The following TRMT44 variants were observed in gnomAD, a reference collection of about 807,000 sequenced individuals.
The protein encoded by TRMT44 is probable tRNA (uracil-O(2)-)-methyltransferase.
In TRMT44, 78 loss-of-function variants were observed where a neutral mutation model predicts 77.3. The ratio of observed to expected loss-of-function variants is 1.01; its 90% confidence interval spans 0.84 to 1.22. The LOEUF is 1.22. Among genes scored for constraint, TRMT44 ranks in the 50% most tolerant of loss-of-function variants. The probability of loss-of-function intolerance (pLI) is 0.00; values close to 1 mark genes in which losing one functional copy is unlikely to be tolerated. For missense variants in TRMT44, 1,090 were observed against 964.4 expected (o/e 1.13, Z -1.73); for synonymous variants, 391 against 383.3 (o/e 1.02, Z -0.23).
intron 2 of TRMT44, among the ~76,000 whole-genome samples, chr4:8,490,309 G>T (rs1000923510): frequency 6.6e-6 from 1 of 152,236 alleles, no homozygotes; most frequent in African/African-American, 2.4e-5. Context: ...GACCCTCGCG[G>T]TGAGTGTTAC....
rs766818694 is a variant in TRMT44 at position 8,465,607 on chromosome 4, G to C, written c.1494+46G>C. On this transcript the variant is annotated intron_variant, in intron 8 of 10. Transcript: ENST00000389737. ...GTTCTAGGCGGTGTGTCGGTGTTCA[G>C]ATGGAGAGCTCAGGGCTCTGCCACA... The C allele has an allele frequency of 1.9e-5, 29 of 1,536,296 alleles. No homozygotes were observed. In the South Asian group the frequency reaches 3.3e-4, roughly 17 times the overall value.
At chr4:8,473,844 C>T (rs899982297) in intron 10 of TRMT44, among the ~76,000 whole-genome samples, 22 of 152,058 alleles carry the variant, frequency 1.4e-4, no homozygotes, top group African/African-American at 3.9e-4. Flanking sequence ...TTAAGAGGGG[C>T]GGCCGGGAGC....
chr4:8,479,321 TCATGTGTCAATTAA>T (rs1374005217), downstream of TRMT44: 2 of 151,798 alleles, frequency 1.3e-5, no homozygotes, highest in Non-Finnish European at 2.9e-5. Flanking sequence ...GAAAGCACAG[TCATGTGTCAATTAA>T]CAGTGCAGAT....
At chr4:8,491,408 C>T (rs1054243334) in intron 2 of TRMT44, among the ~76,000 whole-genome samples, 4 of 152,238 alleles carry the variant, frequency 2.6e-5, no homozygotes, top group East Asian at 1.9e-4. Context: ...GCTGTGCGCT[C>T]GCACTCCTCA....
chr4:8,515,536 G>T, the TRMT44 span, among the ~76,000 whole-genome samples: 1 of 152,264 alleles, frequency 6.6e-6, no homozygotes, highest in Non-Finnish European at 1.5e-5. Context: ...CAGGGGCAGG[G>T]CCAGGGCTGT....
chr4:8,449,632 A>G (rs930085231), intron 2 of TRMT44, 37 bp from the exon 3 acceptor site: 4 of 1,400,892 alleles, frequency 2.9e-6, no homozygotes, highest in African/African-American at 2.9e-5. Context: ...AGAATTGAAC[A>G]TATCTGTGCT....
At chr4:8,468,371 G>A (rs760927530) in intron 9 of TRMT44, 25 bp downstream of exon 9, 1 of 1,611,202 alleles carries the variant, frequency 6.2e-7, no homozygotes, top group Non-Finnish European at 8.5e-7. Context: ...ATCTTAGGGA[G>A]GGGCTAGCAC....
rs976261231 is a variant in TRMT44, at chr4:8,447,353, C to T, written c.734+763C>T. ...TTCATACCGTTTGGTATTTTTAAAA[C>T]GAAAAAGTCAGAGGAGGGGTGAATT... On this transcript the variant is annotated intron_variant, in intron 2 of 10. Transcript: ENST00000389737. Among the ~76,000 whole-genome samples the T allele has an allele frequency of 2.0e-4, 31 of 152,202 alleles. 1 individual carries two copies. Among genetic ancestry groups the T allele is most frequent in the African/African-American group, 7.0e-4 (29 of 41,546 alleles).
At chr4:8,504,195 A>G in the TRMT44 span, among the ~76,000 whole-genome samples, 3 of 152,048 alleles carry the variant, frequency 2.0e-5, no homozygotes, top group African/African-American at 7.2e-5. The surrounding 1 kb of genome is among the most constrained non-coding windows in gnomAD (Gnocchi z 5.3). Context: ...TCAGCCTGAG[A>G]TTCAGCACCA....
intron 8 of TRMT44, among the ~76,000 whole-genome samples, chr4:8,466,602 T>C (rs968568097): frequency 2.0e-5 from 3 of 152,260 alleles, no homozygotes; most frequent in African/African-American, 4.8e-5. Flanking sequence ...CTGTGTCCTC[T>C]GTTTTTGGCA....
chr4:8,457,026 C>CT (rs1410910289), intron 6 of TRMT44, among the ~76,000 whole-genome samples: 1 of 136,854 alleles, frequency 7.3e-6, no homozygotes, highest in Non-Finnish European at 1.6e-5. Context: ...CGCCCCCCCC[C>CT]CCCAACTATC....
chr4:8,452,968 C>A lies in TRMT44; in HGVS notation c.1110C>A (p.Val370=). The stretch of plus-strand genomic sequence containing the variant: ...TGGGATGTGGAAATGGCCTCCTGGT[C>A]CACATCCTGAGCAGTGAGGGGGTAA... ...VDLGCGNGLL[V]HILSSEGHPG... is the part of the protein sequence containing the mutation. Residue 370 remains valine, a synonymous_variant, in exon 5 of 11, where the codon GTC becomes GTA. Coordinates refer to ENST00000389737, the MANE Select transcript of TRMT44 (RefSeq NM_152544.3). This position sits in a 1 kb window ranked among gnomAD's most constrained non-coding sequence, Gnocchi z 5.7. 1 of 1,529,802 alleles carries A rather than the reference C, an allele frequency of 6.5e-7. No individual in the cohort carries two copies. The highest frequency in any genetic ancestry group is 1.2e-5 in the South Asian group (1 of 82,988). The allele number at this position is 1,529,802 out of a possible 1,614,324, so 94.8% of individuals were successfully genotyped here.
intron 2 of TRMT44, among the ~76,000 whole-genome samples, chr4:8,482,811 C>T (rs963068153): frequency 2.0e-5 from 3 of 149,582 alleles, no homozygotes; most frequent in African/African-American, 7.4e-5. Flanking sequence ...ACAGGGGATG[C>T]GATGGCTTGG....
At chr4:8,510,654 G>C in the TRMT44 span, 10 of 152,600 alleles carry the variant, frequency 6.6e-5, no homozygotes, top group African/African-American at 2.4e-4. Flanking sequence ...ACCTCAGGGG[G>C]TGTCAGGGGA....
chr4:8,516,371 G>C, the TRMT44 span, among the ~76,000 whole-genome samples: 2 of 152,168 alleles, frequency 1.3e-5, no homozygotes, highest in African/African-American at 4.8e-5. Flanking sequence ...CAGAGGAGCT[G>C]ACTCGCCCAA....
intron 2 of TRMT44, among the ~76,000 whole-genome samples, chr4:8,492,480 C>T (rs888644745): frequency 2.0e-5 from 3 of 152,114 alleles, no homozygotes; most frequent in African/African-American, 4.8e-5. Context: ...CTTGTTCATC[C>T]CCGGGCGTAG....
At chr4:8,497,959 G>A (rs1728198444), downstream of TRMT44, among the ~76,000 whole-genome samples, 1 of 152,192 alleles carries the variant, frequency 6.6e-6, no homozygotes, top group Non-Finnish European at 1.5e-5. Flanking sequence ...CAGGGAGCAG[G>A]AGCTGTGCCC....
the TRMT44 span, among the ~76,000 whole-genome samples, chr4:8,503,547 C>G: frequency 6.6e-6 from 1 of 152,168 alleles, no homozygotes; most frequent in Admixed American, 6.5e-5. Context: ...GGCAGCCACC[C>G]GGATGGAGGG....
chr4:8,476,053 C>G lies in TRMT44; in HGVS notation c.*52C>G. 6.4e-7 allele frequency: 1 copy of G among 1,563,198 alleles called. No homozygotes were observed. Among genetic ancestry groups the G allele is most frequent in the Non-Finnish European group, 8.8e-7 (1 of 1,142,422 alleles). On this transcript the variant is annotated 3_prime_UTR_variant, in exon 11 of 11. Coordinates refer to ENST00000389737, the MANE Select transcript of TRMT44 (RefSeq NM_152544.3). ...GTTGGGGAGGCCAAACCAAGGAGAG[C>G]TTCCCCAGCAGTCGTCAGTGCTGTG...
Sources: allele counts gnomAD v4.1 joint callset (sites outside exome capture counted in the v4.1 genomes callset), GRCh38; gene constraint gnomAD v4.1.1; non-coding constraint Gnocchi (gnomAD v3.1); transcripts MANE v1.5; gene names NCBI Gene and HGNC (gene_info 2026-07-23, HGNC 2026-07-21).